Variants in ANKRD30BL observed in about 807,000 individuals in gnomAD.
ANKRD30BL encodes ankyrin repeat domain 30B like, also known as putative ankyrin repeat domain-containing protein 30B-like.
ANKRD30BL carries 20 observed loss-of-function variants against 18.4 expected under a neutral mutation model. The ratio of observed to expected loss-of-function variants is 1.09; its 90% CI spans 0.77 to 1.58. The LOEUF (loss-of-function observed/expected upper bound fraction) is 1.58. ANKRD30BL is among the 40% of genes most tolerant of loss of function. ANKRD30BL has a pLI of 0.00. For missense variants in ANKRD30BL, 224 were observed against 268.6 expected (o/e 0.83, Z 1.16); for synonymous variants, 72 against 100.9 (o/e 0.71, Z 1.72).
chr2:132,226,024 A>G (rs553452497), intron 1 of ANKRD30BL, among the ~76,000 whole-genome samples: 40 of 152,160 alleles, frequency 2.6e-4, no homozygotes, highest in African/African-American at 9.4e-4. Context: ...CATAAAAACT[A>G]GACAGAAGCA....
At chr2:132,249,014 A>T (rs1251673953) in intron 1 of ANKRD30BL, among the ~76,000 whole-genome samples, 1 of 152,102 alleles carries the variant, frequency 6.6e-6, no homozygotes, top group Non-Finnish European at 1.5e-5. Context: ...CAGATTGCAC[A>T]AGAAAAGAGT....
rs374454344 is a variant in ANKRD30BL at position 132,202,353 on chromosome 2, C to T, written n.442-45207G>A. On this transcript the variant is annotated intron_variant and non_coding_transcript_variant, in intron 1 of 4. Transcript: ENST00000470729. ...TAAATAAAGAGGGCATTATAAAATGCCTCATGGAAAAAATATTATTTTAAC... is the reference window on the plus strand; with the variant it reads ...TAAATAAAGAGGGCATTATAAAATGTCTCATGGAAAAAATATTATTTTAAC... Among the ~76,000 whole-genome samples the T allele has an allele frequency of 6.6e-5, 10 of 151,678 alleles. No homozygotes were observed. The East Asian group carries it at 1.5e-3, about 23-fold the overall frequency.
At chr2:132,251,964 T>C (rs1680660152) in intron 1 of ANKRD30BL, among the ~76,000 whole-genome samples, 1 of 152,258 alleles carries the variant, frequency 6.6e-6, no homozygotes, top group Admixed American at 6.5e-5. Context: ...AAGCTGGGCT[T>C]TTCCAGTGGT....
chr2:132,204,058 C>T (rs1487622246), intron 1 of ANKRD30BL, among the ~76,000 whole-genome samples: 3 of 152,190 alleles, frequency 2.0e-5, no homozygotes, highest in Non-Finnish European at 2.9e-5. Flanking sequence ...TTATCTGGTG[C>T]TCCAGGAATT....
chr2:132,166,192 T>G (rs567732542), upstream of ANKRD30BL, among the ~76,000 whole-genome samples: 36 of 152,316 alleles, frequency 2.4e-4, no homozygotes, highest in South Asian at 5.6e-3. Flanking sequence ...TAGATTCAAT[T>G]GTCTAGTATT....
Position 132,187,183 on chromosome 2 carries a change from TGTTTG to T in ANKRD30BL, n.442-30042_442-30038del, listed in dbSNP as rs1558924491. Among the ~76,000 whole-genome samples, 244 of 138,240 alleles carry T rather than the reference TGTTTG, an allele frequency of 1.8e-3. 3 individuals carry two copies. The highest frequency in any genetic ancestry group is 6.8e-3 in the African/African-American group (228 of 33,758). The allele number at this position is 138,240 out of a possible 152,430, so 90.7% of individuals were successfully genotyped here. A position where few individuals can be genotyped will look rare whatever the true frequency, so the allele number is the denominator to read the frequency against. ...GTAGGAAGTTTTTTGTTTTTTTTTT[TGTTTG>T]TTTTTTTTTTTTTTTTTTTTTGAGA... On this transcript the variant is annotated intron_variant and non_coding_transcript_variant, in intron 1 of 4. Coordinates refer to the ANKRD30BL transcript ENST00000470729.
chr2:132,206,431 G>T (rs1188182850), intron 1 of ANKRD30BL, among the ~76,000 whole-genome samples: 1 of 152,102 alleles, frequency 6.6e-6, no homozygotes, highest in Non-Finnish European at 1.5e-5. Flanking sequence ...GTCTGGAACT[G>T]GTATTTAATC....
chr2:132,197,957 T>G (rs1461283241), intron 1 of ANKRD30BL, among the ~76,000 whole-genome samples: 2 of 151,886 alleles, frequency 1.3e-5, no homozygotes, highest in Non-Finnish European at 2.9e-5. Flanking sequence ...ATGAAAGAAA[T>G]ACCATTGTGT....
At chr2:132,209,346 C>A (rs139322719) in intron 1 of ANKRD30BL, among the ~76,000 whole-genome samples, 1 of 138,236 alleles carries the variant, frequency 7.2e-6, no homozygotes. Flanking sequence ...AAATATCTTC[C>A]CTTAAAAACT....
chr2:132,246,403 T>A (rs1680501651), intron 1 of ANKRD30BL, among the ~76,000 whole-genome samples: 1 of 151,942 alleles, frequency 6.6e-6, no homozygotes, highest in Non-Finnish European at 1.5e-5. Flanking sequence ...TGAGGCATGC[T>A]TTTTGTAGAA....
intron 1 of ANKRD30BL, among the ~76,000 whole-genome samples, chr2:132,208,501 T>C (rs1382634662): frequency 1.3e-5 from 2 of 152,262 alleles, no homozygotes; most frequent in South Asian, 2.1e-4. Context: ...TTATGTCCAT[T>C]TGGCTAGTGA....
At position 132,198,181 on chromosome 2, in the gene ANKRD30BL, T is replaced by A. The variant is rs539963385; in HGVS notation, n.442-41035A>T. Among the ~76,000 whole-genome samples the A allele has an allele frequency of 1.6e-3, 241 of 152,066 alleles. 1 individual carries two copies. The highest frequency in any genetic ancestry group is 5.4e-3 in the African/African-American group (226 of 41,552). On this transcript the variant is annotated intron_variant and non_coding_transcript_variant, in intron 1 of 4. Coordinates refer to the ANKRD30BL transcript ENST00000470729. ...AACAAGAGTTATTGTTTTGCAATTG[T>A]ATAGTTTTTATTATTTTCATTTTTC...
At chr2:132,250,298 C>T (rs1288477098) in intron 1 of ANKRD30BL, among the ~76,000 whole-genome samples, 2 of 151,812 alleles carry the variant, frequency 1.3e-5, no homozygotes, top group South Asian at 2.1e-4. Context: ...AGCAGTTTCT[C>T]GGAAACATTC....
intron 1 of ANKRD30BL, among the ~76,000 whole-genome samples, chr2:132,221,730 G>C (rs1280756535): frequency 1.8e-5 from 2 of 111,820 alleles, no homozygotes; most frequent in Non-Finnish European, 3.5e-5. Flanking sequence ...CGCCCCGTCC[G>C]GGAGGTGAGG....
At chr2:132,239,207 CT>C (rs1179071929) in intron 1 of ANKRD30BL, among the ~76,000 whole-genome samples, 1 of 152,038 alleles carries the variant, frequency 6.6e-6, no homozygotes, top group East Asian at 1.9e-4. Context: ...TTGAACTTTT[CT>C]TTTGATACAG....
chr2:132,151,134 C>T (rs1687743851), intron 4 of ANKRD30BL, among the ~76,000 whole-genome samples, 158 bp from the exon 5 acceptor site: 1 of 152,080 alleles, frequency 6.6e-6, no homozygotes. Flanking sequence ...GCTCTATGAA[C>T]TTATTAAGCT....
chr2:132,192,001 TC>T (rs1257404673), intron 1 of ANKRD30BL, among the ~76,000 whole-genome samples: 1 of 152,114 alleles, frequency 6.6e-6, no homozygotes, highest in Non-Finnish European at 1.5e-5. Flanking sequence ...ACCTTGGCCT[TC>T]CAAAGTGCTG....
At chr2:132,148,962 C>T (rs1475347464) in intron 5 of ANKRD30BL, among the ~76,000 whole-genome samples, 1 of 151,606 alleles carries the variant, frequency 6.6e-6, no homozygotes, top group Non-Finnish European at 1.5e-5. Flanking sequence ...AGTGGATAAA[C>T]AAATAGAAAA....
intron 1 of ANKRD30BL, among the ~76,000 whole-genome samples, chr2:132,234,989 T>C (rs2104787396): frequency 6.6e-6 from 1 of 152,250 alleles, no homozygotes; most frequent in East Asian, 1.9e-4. Flanking sequence ...TTATCCACCA[T>C]GATCAAGTGG....
Sources: allele counts gnomAD v4.1 joint callset (sites outside exome capture counted in the v4.1 genomes callset), GRCh38; gene constraint gnomAD v4.1.1; transcripts MANE v1.5; gene names NCBI Gene and HGNC (gene_info 2026-07-23, HGNC 2026-07-21).